The following MARCHF1 variants were observed in gnomAD, a reference collection of about 807,000 sequenced individuals.
The protein encoded by MARCHF1 is E3 ubiquitin-protein ligase MARCHF1.
Under a neutral mutation model 54.2 loss-of-function variants are expected in MARCHF1, and 40 were observed. That is an observed-to-expected ratio of 0.74 (90% CI 0.57 to 0.96). The LOEUF (loss-of-function observed/expected upper bound fraction) is 0.96, where lower values mean the gene tolerates loss of function less well. Ranked by LOEUF, MARCHF1 falls within the 40% of genes least tolerant of loss-of-function variation. The probability of loss-of-function intolerance (pLI) is 0.00; values close to 1 mark genes in which losing one functional copy is unlikely to be tolerated. For missense variants in MARCHF1, 586 were observed against 656.5 expected (o/e 0.89, Z 1.17); for synonymous variants, 236 against 236.3 (o/e 1.00, Z 0.01).
Position 163,919,692 on chromosome 4 carries a change from T to C in MARCHF1, c.-38-65523A>G, listed in dbSNP as rs1468578513. ...TTGTACATAATAGGAGTACAAACTC[T>C]GTTATCTCAATGTATCACTTTTCAA... On this transcript the variant is annotated intron_variant, in intron 3 of 9. Coordinates refer to ENST00000514618, the MANE Select transcript of MARCHF1 (RefSeq NM_001394959.1). 2.6e-5 allele frequency among the ~76,000 whole-genome samples: 4 copies of C among 152,134 alleles called. No homozygotes were observed. The East Asian group carries it at 7.7e-4, about 29-fold the overall frequency.
At chr4:164,143,460 T>A (rs953305543) in intron 1 of MARCHF1, among the ~76,000 whole-genome samples, 2 of 150,768 alleles carry the variant, frequency 1.3e-5, no homozygotes, top group African/African-American at 4.9e-5. Flanking sequence ...CCCATCAGAC[T>A]AACAGCAGAT....
intron 2 of MARCHF1, among the ~76,000 whole-genome samples, chr4:164,092,406 G>T (rs1755323634): frequency 6.6e-6 from 1 of 152,100 alleles, no homozygotes; most frequent in Non-Finnish European, 1.5e-5. Context: ...TCATTCAGTG[G>T]CAGCTAGCCT....
intron 7 of MARCHF1, among the ~76,000 whole-genome samples, chr4:163,597,695 TTTAG>T (rs1344173459): frequency 2.6e-5 from 4 of 152,206 alleles, no homozygotes; most frequent in Non-Finnish European, 4.4e-5. Context: ...TTTCTCATTC[TTTAG>T]TTAATTAATA....
At chr4:163,908,395 T>C (rs1483661249) in intron 3 of MARCHF1, among the ~76,000 whole-genome samples, 1 of 152,154 alleles carries the variant, frequency 6.6e-6, no homozygotes, top group African/African-American at 2.4e-5. Context: ...TTTATGCTGA[T>C]TCATATTTTC....
At chr4:164,142,579 C>G (rs1319034792) in intron 1 of MARCHF1, among the ~76,000 whole-genome samples, 17 of 152,274 alleles carry the variant, frequency 1.1e-4, no homozygotes, top group African/African-American at 4.1e-4. Context: ...CCTCACACAG[C>G]CAGGTACTCC....
intron 3 of MARCHF1, among the ~76,000 whole-genome samples, chr4:163,890,225 C>T (rs1314410289): frequency 4.6e-5 from 7 of 151,972 alleles, no homozygotes; most frequent in Non-Finnish European, 1.5e-5. Flanking sequence ...TGAGCCACCA[C>T]GCCCAGCCTC....
At chr4:163,889,014 A>G (rs1267403274) in intron 3 of MARCHF1, among the ~76,000 whole-genome samples, 2 of 152,188 alleles carry the variant, frequency 1.3e-5, no homozygotes, top group Non-Finnish European at 2.9e-5. Context: ...TGGTAGGTAT[A>G]CAAGAGCTAT....
intron 1 of MARCHF1, among the ~76,000 whole-genome samples, chr4:164,241,676 C>T (rs538356635): frequency 9.9e-5 from 15 of 152,160 alleles, no homozygotes; most frequent in South Asian, 2.1e-4. Context: ...GCGTGAGCTA[C>T]GCAGAAGACG....
In MARCHF1 at chr4:164,197,440, A is replaced by T. The variant is rs1731307347; in HGVS notation, c.-322-85778T>A. ...GAGGTCTTTAATTTTGTTGCCACTTAAATATAGATGCGTGAGGTTTGGACA... is the reference window on the plus strand; with the variant it reads ...GAGGTCTTTAATTTTGTTGCCACTTTAATATAGATGCGTGAGGTTTGGACA... On this transcript the variant is annotated intron_variant, in intron 1 of 9. Coordinates refer to ENST00000514618, the MANE Select transcript of MARCHF1 (RefSeq NM_001394959.1). 6 of 1,613,542 alleles carry T rather than the reference A, an allele frequency of 3.7e-6. No homozygotes were observed. The East Asian group carries it at 1.1e-4, about 30-fold the overall frequency.
chr4:163,890,200 C>T (rs1048026700), intron 3 of MARCHF1, among the ~76,000 whole-genome samples: 2 of 151,788 alleles, frequency 1.3e-5, no homozygotes, highest in Non-Finnish European at 2.9e-5. Context: ...TCCCAAAGTG[C>T]TGGGATTACA....
intron 2 of MARCHF1, among the ~76,000 whole-genome samples, chr4:164,049,434 C>G (rs952256636): frequency 1.3e-4 from 19 of 151,234 alleles, no homozygotes; most frequent in Admixed American, 8.5e-4. Context: ...GGAACAGATA[C>G]TATAATCTTT....
intron 4 of MARCHF1, among the ~76,000 whole-genome samples, chr4:163,735,728 C>T (rs182398897): frequency 5.3e-4 from 80 of 152,054 alleles, no homozygotes; most frequent in African/African-American, 1.8e-3. Flanking sequence ...CACATTCAAA[C>T]CACAGCAAGT....
chr4:164,042,736 A>G (rs148359891), intron 2 of MARCHF1, among the ~76,000 whole-genome samples: 4 of 152,188 alleles, frequency 2.6e-5, no homozygotes, highest in Admixed American at 2.6e-4. Flanking sequence ...CTCATCTGAG[A>G]CAAGGTAATT....
chr4:163,724,673 G>T (rs997931695), intron 4 of MARCHF1, among the ~76,000 whole-genome samples: 1 of 152,170 alleles, frequency 6.6e-6, no homozygotes, highest in Non-Finnish European at 1.5e-5. Context: ...CAAGCTTCCT[G>T]CCACTTTGTT....
intron 4 of MARCHF1, among the ~76,000 whole-genome samples, chr4:163,728,762 C>A (rs569683972): frequency 1.3e-5 from 2 of 152,282 alleles, no homozygotes; most frequent in African/African-American, 2.4e-5. Flanking sequence ...AGCTTTATTT[C>A]TTGCTTCCCA....
At chr4:164,283,933 T>C (rs1022735548) in intron 1 of MARCHF1, among the ~76,000 whole-genome samples, 1 of 150,988 alleles carries the variant, frequency 6.6e-6, no homozygotes, top group Admixed American at 6.7e-5. Context: ...AATAAGCACT[T>C]TCAGTTCAAA....
intron 1 of MARCHF1, among the ~76,000 whole-genome samples, chr4:164,326,139 T>C (rs1321763304): frequency 6.6e-6 from 1 of 152,192 alleles, no homozygotes; most frequent in Non-Finnish European, 1.5e-5. Context: ...ATTTCAATTT[T>C]CCTTCCTTTT....
chr4:164,071,510 G>A (rs2111091841), intron 2 of MARCHF1, among the ~76,000 whole-genome samples: 1 of 151,926 alleles, frequency 6.6e-6, no homozygotes, highest in Admixed American at 6.6e-5. Flanking sequence ...AAGAAATACA[G>A]CTATATTAAT....
chr4:163,902,476 C>T (rs1750964978), intron 3 of MARCHF1, among the ~76,000 whole-genome samples: 1 of 152,024 alleles, frequency 6.6e-6, no homozygotes, highest in Admixed American at 6.6e-5. Context: ...ATGTTGGCCC[C>T]TTTTTTAATG....
Sources: allele counts gnomAD v4.1 joint callset (sites outside exome capture counted in the v4.1 genomes callset), GRCh38; gene constraint gnomAD v4.1.1; transcripts MANE v1.5; gene names NCBI Gene and HGNC (gene_info 2026-07-23, HGNC 2026-07-21).